PKDREJ: variants seen among roughly 807,000 people sequenced by gnomAD.
PKDREJ encodes polycystin family receptor for egg jelly, also known as PKD and REJ homolog.
For synonymous variants in PKDREJ, 1,031 were observed against 1,095.5 expected, an observed-to-expected ratio of 0.94 and a Z score of 1.16; for missense variants, 2,507 against 2,807.2, an observed-to-expected ratio of 0.89 and a Z score of 2.42.
chr22:46,257,814 A>G lies in PKDREJ; in HGVS notation c.5509T>C (p.Tyr1837His). 6.2e-7 allele frequency: 1 copy of G among 1,614,192 alleles called. No individual in the cohort carries two copies. Among genetic ancestry groups the G allele is most frequent in the Non-Finnish European group, 8.5e-7 (1 of 1,180,044 alleles). ...TCAACTTCATTCCAAAAGCCAGAAT[A>G]GTTTTTTGTGTCTTCTGGGTCAATG... ...YGIDPEDTKN[Y>H]SGFWNEVDKQ... The change falls in exon 1 of 1, where the codon TAT becomes CAT. Residue 1837 changes from tyrosine to histidine, a missense_variant. Tyr to His is a moderately conservative substitution (Grantham distance 83, BLOSUM62 2). Coordinates refer to ENST00000253255, the MANE Select transcript of PKDREJ (RefSeq NM_006071.2). The surrounding 1 kb of genome is among the most constrained non-coding windows in gnomAD (Gnocchi z 4.7).
Position 46,258,414 on chromosome 22 carries a change from T to C in PKDREJ, c.4909A>G (p.Arg1637Gly). The change falls in exon 1 of 1, where the codon AGA (arginine) becomes GGA (glycine). Residue 1637 changes from arginine (R) to glycine (G), a missense_variant. Arg to Gly is a moderately radical substitution (Grantham distance 125). Coordinates refer to ENST00000253255, the MANE Select transcript of PKDREJ (RefSeq NM_006071.2). This position sits in a 1 kb window ranked among gnomAD's most constrained non-coding sequence, Gnocchi z 6.1. ...PSKIILLSGF[R>G]TNKPKYCKNL... ...TTGCAATACTTGGGTTTATTCGTTC[T>C]GAAGCCTGACAGGAGTATAATTTTA... 1 of 1,614,210 alleles carries C rather than the reference T, an allele frequency of 6.2e-7. No individual in the cohort carries two copies. Among genetic ancestry groups the C allele is most frequent in the Non-Finnish European group, 8.5e-7 (1 of 1,180,046 alleles).
Position 46,256,742 on chromosome 22 carries a change from G to T in PKDREJ, c.6581C>A (p.Thr2194Asn), listed in dbSNP as rs1019272083. 2.5e-6 allele frequency: 4 copies of T among 1,613,974 alleles called. No homozygotes were observed. The highest frequency in any genetic ancestry group is 1.7e-5 in the Admixed American group (1 of 59,994). Residue 2194 changes from threonine to asparagine, a missense_variant, in exon 1 of 1, where the codon ACC becomes AAC. Physicochemically the swap from Thr to Asn is moderately conservative, Grantham distance 65 (BLOSUM62 0). Coordinates refer to ENST00000253255, the MANE Select transcript of PKDREJ (RefSeq NM_006071.2). This position sits in a 1 kb window ranked among gnomAD's most constrained non-coding sequence, Gnocchi z 5.3. ...GGTTCTCAGCTTACGGCACAAATAGGTCATTGCTTCCACTTCATCCGATGG... is the reference window on the plus strand; with the variant it reads ...GGTTCTCAGCTTACGGCACAAATAGTTCATTGCTTCCACTTCATCCGATGG... ...EEPSDEVEAM[T>N]YLCRKLRTMF... is the part of the protein sequence containing the mutation.
In PKDREJ at chr22:46,260,753, G is replaced by A. The variant is rs1224538959; in HGVS notation, c.2570C>T (p.Pro857Leu). The A allele has an allele frequency of 2.5e-6, 4 of 1,614,006 alleles. No individual in the cohort carries two copies. Among genetic ancestry groups the A allele is most frequent in the Non-Finnish European group, 3.4e-6 (4 of 1,180,004 alleles). ...TTTCTTGACATACATGTTGAAATTG[G>A]GGGTTCTCATTGAGGTGGTTTTGTT... is the stretch of plus-strand genomic sequence containing the variant. Reference protein sequence around the residue: ...PGNKTTSMRTPNFNMYVKKVE... With the variant: ...PGNKTTSMRTLNFNMYVKKVE... The change falls in exon 1 of 1, where the codon CCC becomes CTC. Residue 857 changes from proline to leucine, a missense_variant. By Grantham distance (98) the Pro-to-Leu change is moderately conservative. Transcript: ENST00000253255. The surrounding 1 kb of genome is among the most constrained non-coding windows in gnomAD (Gnocchi z 4.5).
chr22:46,260,251 C>T lies in PKDREJ; in HGVS notation c.3072G>A (p.Leu1024=), dbSNP rs756572607. Residue 1024 remains leucine, a synonymous_variant, in exon 1 of 1, where the codon CTG becomes CTA. Transcript: ENST00000253255. This position sits in a 1 kb window ranked among gnomAD's most constrained non-coding sequence, Gnocchi z 4.5. The part of the protein sequence containing the change: ...YTGSQITPTA[L]VATFLVPHDI... The stretch of plus-strand genomic sequence containing the variant: ...CATGAGGCACCAGGAAGGTGGCGAC[C>T]AGCGCTGTGGGAGTGATCTGACTGC... 15 of 1,614,174 alleles carry T rather than the reference C, an allele frequency of 9.3e-6. No individual in the cohort carries two copies. In the East Asian group the frequency reaches 2.2e-4, roughly 24 times the overall value.
In PKDREJ at chr22:46,260,164, G is replaced by C; in HGVS notation, c.3159C>G (p.Ala1053=). The change falls in exon 1 of 1, where the codon GCC becomes GCG. Residue 1053 remains alanine, a synonymous_variant. Transcript: ENST00000253255. This position sits in a 1 kb window ranked among gnomAD's most constrained non-coding sequence, Gnocchi z 4.5. Reference sequence around the variant, plus strand: ...GGGACACAGGGAGGCAGACTACACGGGCCTTCTTCACTGTGCAGGCTGGGT... The same window carrying C: ...GGGACACAGGGAGGCAGACTACACGCGCCTTCTTCACTGTGCAGGCTGGGT... The part of the protein sequence containing the change: ...LFDPACTVKK[A]RVVCLPVSLL... 1 of 1,614,044 alleles carries C rather than the reference G, an allele frequency of 6.2e-7. No homozygotes were observed. Among genetic ancestry groups the C allele is most frequent in the Non-Finnish European group, 8.5e-7 (1 of 1,179,980 alleles).
chr22:46,263,061 A>G lies in PKDREJ; in HGVS notation c.262T>C (p.Trp88Arg). The G allele has an allele frequency of 7.5e-7, 1 of 1,333,442 alleles. No homozygotes were observed. Among genetic ancestry groups the G allele is most frequent in the South Asian group, 1.5e-5 (1 of 67,144 alleles). The allele number at this position is 1,333,442 out of a possible 1,614,324, so 82.6% of individuals were successfully genotyped here. Reference sequence around the variant, plus strand: ...AGGACGCGCAAGTCGAGGCAGTACCAGCGCCGCCCGGTCCCGCCATGGGGG... The same window carrying G: ...AGGACGCGCAAGTCGAGGCAGTACCGGCGCCGCCCGGTCCCGCCATGGGGG... ...CFPHGGTGRR[W>R]YCLDLRVLLS... is the part of the protein sequence containing the mutation. The change falls in exon 1 of 1, where the codon TGG becomes CGG. Residue 88 changes from tryptophan (W) to arginine (R), a missense_variant. By Grantham distance (101) the Trp-to-Arg change is moderately radical. Transcript: ENST00000253255. The surrounding 1 kb of genome is among the most constrained non-coding windows in gnomAD (Gnocchi z 9.4).
At position 46,261,123 on chromosome 22, in the gene PKDREJ, G is replaced by C; in HGVS notation, c.2200C>G (p.Arg734Gly). 6.2e-7 allele frequency: 1 copy of C among 1,614,072 alleles called. No individual in the cohort carries two copies. Among genetic ancestry groups the C allele is most frequent in the Non-Finnish European group, 8.5e-7 (1 of 1,179,968 alleles). ...LPLRDDRVNL[R>G]KHLIDQSFLL... ...AAAGACTGATCGATGAGGTGTTTTCGGAGATTGACTCTGTCATCTCGGAGA... is the reference window on the plus strand; with the variant it reads ...AAAGACTGATCGATGAGGTGTTTTCCGAGATTGACTCTGTCATCTCGGAGA... Residue 734 changes from arginine (R) to glycine (G), a missense_variant, in exon 1 of 1, where the codon CGA becomes GGA. By Grantham distance (125) the Arg-to-Gly change is moderately radical. Transcript: ENST00000253255. The surrounding 1 kb of genome is among the most constrained non-coding windows in gnomAD (Gnocchi z 7.1).
In PKDREJ at chr22:46,263,002, C is replaced by A; in HGVS notation, c.321G>T (p.Ala107=). The A allele has an allele frequency of 8.0e-7, 1 of 1,249,568 alleles. No individual in the cohort carries two copies. The allele number at this position is 1,249,568 out of a possible 1,614,324, so 77.4% of individuals were successfully genotyped here. The change falls in exon 1 of 1, where the codon GCG becomes GCT. Residue 107 remains alanine, a synonymous_variant. Transcript: ENST00000253255. This position sits in a 1 kb window ranked among gnomAD's most constrained non-coding sequence, Gnocchi z 9.4. ...GCAGGTCGACGAGCGCGAGCGCGGG[C>A]GCGGCCGGCCAGGGCAGGCGTTGGG... ...LSAQRLPWPA[A]PALALVDLQL...
Position 46,261,122 on chromosome 22 carries a change from C to T in PKDREJ, c.2201G>A (p.Arg734Gln), listed in dbSNP as rs747822397. 78 of 1,613,996 alleles carry T rather than the reference C, an allele frequency of 4.8e-5. No homozygotes were observed. The highest frequency in any genetic ancestry group is 9.3e-5 in the African/African-American group (7 of 74,910). ...LPLRDDRVNL[R>Q]KHLIDQSFLL... The stretch of plus-strand genomic sequence containing the variant: ...GAAAGACTGATCGATGAGGTGTTTT[C>T]GGAGATTGACTCTGTCATCTCGGAG... The change falls in exon 1 of 1, where the codon CGA becomes CAA. Residue 734 changes from arginine (R) to glutamine (Q), a missense_variant. Coordinates refer to ENST00000253255, the MANE Select transcript of PKDREJ (RefSeq NM_006071.2). This position sits in a 1 kb window ranked among gnomAD's most constrained non-coding sequence, Gnocchi z 7.1.
Position 46,262,511 on chromosome 22 carries a change from G to C in PKDREJ, c.812C>G (p.Pro271Arg). ...VFSVPAVGQA[P>R]DWTQPLDLPQ... ...CAGATCCAAGGGCTGCGTCCAGTCG[G>C]GCGCCTGACCCACGGCGGGCACGGA... is the stretch of plus-strand genomic sequence containing the variant. The change falls in exon 1 of 1, where the codon CCC (proline) becomes CGC (arginine). Residue 271 changes from proline (P) to arginine (R), a missense_variant. Pro to Arg is a moderately radical substitution (Grantham distance 103). Coordinates refer to ENST00000253255, the MANE Select transcript of PKDREJ (RefSeq NM_006071.2). The surrounding 1 kb of genome is among the most constrained non-coding windows in gnomAD (Gnocchi z 8.1). The C allele has an allele frequency of 6.3e-7, 1 of 1,587,616 alleles. No individual in the cohort carries two copies. The highest frequency in any genetic ancestry group is 8.6e-7 in the Non-Finnish European group (1 of 1,166,280).
At position 46,257,853 on chromosome 22, in the gene PKDREJ, G is replaced by A; in HGVS notation, c.5470C>T (p.His1824Tyr). The change falls in exon 1 of 1, where the codon CAC (histidine) becomes TAC (tyrosine). Residue 1824 changes from histidine to tyrosine, a missense_variant. His to Tyr is a moderately conservative substitution (Grantham distance 83, BLOSUM62 2). Coordinates refer to ENST00000253255, the MANE Select transcript of PKDREJ (RefSeq NM_006071.2). This position sits in a 1 kb window ranked among gnomAD's most constrained non-coding sequence, Gnocchi z 4.7. ...TCTGGGTCAATGCCATATTTGGGGT[G>A]ACAATGAATTTCTCTTCTGATGCTG... Reference protein sequence around the residue: ...QNSIRREIHCHPKYGIDPEDT... With the variant: ...QNSIRREIHCYPKYGIDPEDT... The A allele has an allele frequency of 6.2e-7, 1 of 1,614,150 alleles. No homozygotes were observed. The highest frequency in any genetic ancestry group is 8.5e-7 in the Non-Finnish European group (1 of 1,180,030).
rs1257504127 is a variant in PKDREJ at position 46,263,198 on chromosome 22, A to C, written c.125T>G (p.Leu42Arg). The C allele has an allele frequency of 4.5e-6, 6 of 1,340,730 alleles. No homozygotes were observed. Among genetic ancestry groups the C allele is most frequent in the African/African-American group, 1.6e-5 (1 of 62,600 alleles). 83.1% of individuals were successfully genotyped at this position (1,340,730 alleles called of 1,614,324 possible). Residue 42 changes from leucine to arginine, a missense_variant, in exon 1 of 1, where the codon CTC (leucine) becomes CGC (arginine). Transcript: ENST00000253255. This position sits in a 1 kb window ranked among gnomAD's most constrained non-coding sequence, Gnocchi z 9.4. The part of the protein sequence containing the change: ...AAVSGAPGGL[L>R]RGAPGLGVRG... ...CACCCCGAGGCCCGGGGCGCCCCTG[A>C]GGAGGCCACCGGGCGCCCCGGAGAC...
In PKDREJ at chr22:46,260,089, G is replaced by A. The variant is rs1489109261; in HGVS notation, c.3234C>T (p.Ser1078=). Residue 1078 remains serine (S), a synonymous_variant, in exon 1 of 1, where the codon TCC becomes TCT. Coordinates refer to ENST00000253255, the MANE Select transcript of PKDREJ (RefSeq NM_006071.2). The surrounding 1 kb of genome is among the most constrained non-coding windows in gnomAD (Gnocchi z 4.5). The stretch of plus-strand genomic sequence containing the variant: ...CAAAACGAGGTGCCTGCAGAACTAT[G>A]GATACAGTACAGTGGGGAGAGTGGC... ...QHSHSPHCTV[S]IVLQAPRFVM... 6.2e-7 allele frequency: 1 copy of A among 1,613,976 alleles called. No homozygotes were observed. Among genetic ancestry groups the A allele is most frequent in the Non-Finnish European group, 8.5e-7 (1 of 1,179,930 alleles).
Position 46,258,206 on chromosome 22 carries a change from CTT to C in PKDREJ, c.5115_5116del (p.Arg1706SerfsTer29), listed in dbSNP as rs774205889. ...AATGTAACTCAGAAACAGGAGTGCTCTTCTCTTGATCCTCTTCTTTCTTTTGA... is the reference window on the plus strand; with the variant it reads ...AATGTAACTCAGAAACAGGAGTGCTCCTCTTGATCCTCTTCTTTCTTTTGA... On this transcript the variant is annotated frameshift_variant, in exon 1 of 1. Coordinates refer to ENST00000253255, the MANE Select transcript of PKDREJ (RefSeq NM_006071.2). LOFTEE classifies it low-confidence loss of function (END_TRUNC). This position sits in a 1 kb window ranked among gnomAD's most constrained non-coding sequence, Gnocchi z 6.1. 6.2e-7 allele frequency: 1 copy of C among 1,614,176 alleles called. No homozygotes were observed. The highest frequency in any genetic ancestry group is 1.1e-5 in the South Asian group (1 of 91,076).
rs1335374092 is a variant in PKDREJ at position 46,257,196 on chromosome 22, C to G, written c.6127G>C (p.Val2043Leu). ...NPEDFIPFHA[V>L]SQVDHIMRII... ...CTCATAATGTGATCTACCTGAGAAACTGCATGAAAGGGAATGAAGTCTTCT... is the reference window on the plus strand; with the variant it reads ...CTCATAATGTGATCTACCTGAGAAAGTGCATGAAAGGGAATGAAGTCTTCT... The change falls in exon 1 of 1, where the codon GTT (valine) becomes CTT (leucine). Residue 2043 changes from valine (V) to leucine (L), a missense_variant. Coordinates refer to ENST00000253255, the MANE Select transcript of PKDREJ (RefSeq NM_006071.2). This position sits in a 1 kb window ranked among gnomAD's most constrained non-coding sequence, Gnocchi z 4.7. The G allele has an allele frequency of 1.2e-6, 2 of 1,614,000 alleles. No homozygotes were observed. Among genetic ancestry groups the G allele is most frequent in the Non-Finnish European group, 1.7e-6 (2 of 1,180,022 alleles).
rs1168844211 is a variant in PKDREJ at position 46,262,444 on chromosome 22, GATGTGA to G, written c.873_878del (p.His292_Ile293del). The G allele has an allele frequency of 1.2e-6, 2 of 1,606,530 alleles. No homozygotes were observed. Among genetic ancestry groups the G allele is most frequent in the Non-Finnish European group, 1.7e-6 (2 of 1,175,482 alleles). ...CTCCCCACTGTAACGAATTATTGGGGATGTGAATGAACAAGGGGCTGTTCCTGATCT... is the reference window on the plus strand; with the variant it reads ...CTCCCCACTGTAACGAATTATTGGGGATGAACAAGGGGCTGTTCCTGATCT... On this transcript the variant is annotated inframe_deletion, in exon 1 of 1. Coordinates refer to ENST00000253255, the MANE Select transcript of PKDREJ (RefSeq NM_006071.2). This position sits in a 1 kb window ranked among gnomAD's most constrained non-coding sequence, Gnocchi z 8.1.
chr22:46,257,315 A>G lies in PKDREJ; in HGVS notation c.6008T>C (p.Phe2003Ser), dbSNP rs748123216. The change falls in exon 1 of 1, where the codon TTT becomes TCT. Residue 2003 changes from phenylalanine (F) to serine (S), a missense_variant. By Grantham distance (155) the Phe-to-Ser change is radical (BLOSUM62 -2). Transcript: ENST00000253255. This position sits in a 1 kb window ranked among gnomAD's most constrained non-coding sequence, Gnocchi z 4.7. ...YVRSVYNLLNFALKCIFTVLI... is the reference protein window; with the variant it reads ...YVRSVYNLLNSALKCIFTVLI... ...CACAGTAAATATGCACTTTAAAGCA[A>G]AGTTGAGCAAATTATACACACTTCT... 1 of 1,614,104 alleles carries G rather than the reference A, an allele frequency of 6.2e-7. No individual in the cohort carries two copies. Among genetic ancestry groups the G allele is most frequent in the Non-Finnish European group, 8.5e-7 (1 of 1,180,032 alleles).
Position 46,263,015 on chromosome 22 carries a change from G to A in PKDREJ, c.308C>T (p.Pro103Leu). The change falls in exon 1 of 1, where the codon CCC becomes CTC. Residue 103 changes from proline (P) to leucine (L), a missense_variant. Transcript: ENST00000253255. The surrounding 1 kb of genome is among the most constrained non-coding windows in gnomAD (Gnocchi z 9.4). The stretch of plus-strand genomic sequence containing the variant: ...CGCGAGCGCGGGCGCGGCCGGCCAG[G>A]GCAGGCGTTGGGCGCTGAGCAGGAC... Reference protein sequence around the residue: ...LRVLLSAQRLPWPAAPALALV... With the variant: ...LRVLLSAQRLLWPAAPALALV... 7.7e-7 allele frequency: 1 copy of A among 1,291,746 alleles called. No homozygotes were observed. The highest frequency in any genetic ancestry group is 9.9e-7 in the Non-Finnish European group (1 of 1,010,538). The allele number at this position is 1,291,746 out of a possible 1,614,324, so 80.0% of individuals were successfully genotyped here. A position where few individuals can be genotyped will look rare whatever the true frequency, so the allele number is the denominator to read the frequency against.
At position 46,257,406 on chromosome 22, in the gene PKDREJ, T is replaced by C. The variant is rs757386627; in HGVS notation, c.5917A>G (p.Ile1973Val). The C allele has an allele frequency of 1.2e-6, 2 of 1,613,788 alleles. No homozygotes were observed. The highest frequency in any genetic ancestry group is 1.7e-6 in the Non-Finnish European group (2 of 1,179,854). Residue 1973 changes from isoleucine to valine, a missense_variant, in exon 1 of 1, where the codon ATT (isoleucine) becomes GTT (valine). Coordinates refer to ENST00000253255, the MANE Select transcript of PKDREJ (RefSeq NM_006071.2). This position sits in a 1 kb window ranked among gnomAD's most constrained non-coding sequence, Gnocchi z 4.7. ...AEIYLYVAIL[I>V]FFLAYVVDEG... is the part of the protein sequence containing the mutation. ...TCAACAACGTAGGCTAAGAAAAAAA[T>C]GAGAATGGCCACATACAAGTAGATT...
Sources: allele counts gnomAD v4.1 joint callset, GRCh38; gene constraint gnomAD v4.1.1; non-coding constraint Gnocchi (gnomAD v3.1); transcripts MANE v1.5; gene names NCBI Gene and HGNC (gene_info 2026-07-23, HGNC 2026-07-21).